Variants in CDH18 observed in about 807,000 individuals in gnomAD.
CDH18 encodes the protein cadherin 18, also known as cadherin-18.
Under a neutral mutation model 67.9 loss-of-function variants are expected in CDH18, and 31 were observed. The ratio of observed to expected loss-of-function variants is 0.46; its 90% CI spans 0.34 to 0.62. CDH18 has a LOEUF of 0.62. CDH18 is among the 20% of genes least tolerant of loss of function. The probability of loss-of-function intolerance (pLI) is 0.01; values close to 1 mark genes in which losing one functional copy is unlikely to be tolerated. For synonymous variants in CDH18, 362 were observed against 347.2 expected (o/e 1.04, Z -0.48); for missense variants, 890 against 975.5 (o/e 0.91, Z 1.17).
At chr5:20,080,586 T>C (rs4866166) in intron 2 of CDH18, among the ~76,000 whole-genome samples, 45,185 of 151,922 alleles carry the variant, frequency 0.3, 7,936 homozygotes, top group Non-Finnish European at 0.38. Flanking sequence ...AGAGCAGAAT[T>C]GCCTGAAATG....
At chr5:20,413,742 T>A (rs1747008025) in intron 1 of CDH18, among the ~76,000 whole-genome samples, 1 of 152,162 alleles carries the variant, frequency 6.6e-6, no homozygotes, top group Non-Finnish European at 1.5e-5. Context: ...AGTGCAAAAA[T>A]TTTCTCCCAT....
intron 2 of CDH18, among the ~76,000 whole-genome samples, chr5:20,198,901 CT>C (rs1384639219): frequency 6.6e-6 from 1 of 152,230 alleles, no homozygotes; most frequent in African/African-American, 2.4e-5. Flanking sequence ...AAGCCTCAAG[CT>C]TTGACAGCTT....
At chr5:20,226,735 T>C (rs1741661217) in intron 2 of CDH18, among the ~76,000 whole-genome samples, 1 of 152,118 alleles carries the variant, frequency 6.6e-6, no homozygotes. Flanking sequence ...AATAATTATT[T>C]ACTACCATAT....
intron 1 of CDH18, among the ~76,000 whole-genome samples, chr5:20,427,679 T>C (rs188571585): frequency 2.4e-4 from 37 of 151,296 alleles, no homozygotes; most frequent in Non-Finnish European, 1.5e-5. Context: ...GATTTCCTCC[T>C]TACTTCAGTA....
In CDH18 at chr5:20,026,519, C is replaced by T. The variant is rs930614145; in HGVS notation, c.-517-34505G>A. Reference sequence around the variant, plus strand: ...TGAAAGCATAGAAATCCTAATTTCCCGCCATATAGCAAAATATAAATGTCT... The same window carrying T: ...TGAAAGCATAGAAATCCTAATTTCCTGCCATATAGCAAAATATAAATGTCT... On this transcript the variant is annotated intron_variant, in intron 2 of 14. Coordinates refer to the CDH18 transcript ENST00000507958. 4.6e-5 allele frequency among the ~76,000 whole-genome samples: 7 copies of T among 151,974 alleles called. No individual in the cohort carries two copies. In the East Asian group the frequency reaches 5.8e-4, roughly 13 times the overall value.
chr5:19,686,920 ATGGCTGACTAAGACATC>A (rs1387462531), intron 5 of CDH18, among the ~76,000 whole-genome samples: 3 of 152,194 alleles, frequency 2.0e-5, no homozygotes, highest in Admixed American at 1.3e-4. Context: ...TAGTTTCAAA[ATGGCTGACTAAGACATC>A]TAGCACTAAC....
At chr5:20,419,211 G>A (rs772850788) in intron 1 of CDH18, among the ~76,000 whole-genome samples, 3 of 151,978 alleles carry the variant, frequency 2.0e-5, no homozygotes, top group African/African-American at 2.4e-5. Flanking sequence ...TCGGCCAGGA[G>A]AGAAGTGATT....
At chr5:19,779,195 C>G (rs1774791722) in intron 3 of CDH18, among the ~76,000 whole-genome samples, 1 of 152,046 alleles carries the variant, frequency 6.6e-6, no homozygotes, top group Non-Finnish European at 1.5e-5. Flanking sequence ...AAGTTAATAG[C>G]AGACAGAGAC....
Position 19,904,011 on chromosome 5 carries a change from C to A in CDH18, c.-256-64769G>T, listed in dbSNP as rs544802220. 1.8e-3 allele frequency among the ~76,000 whole-genome samples: 277 copies of A among 152,038 alleles called. 1 individual carries two copies. The highest frequency in any genetic ancestry group is 6.4e-3 in the African/African-American group (265 of 41,484). On this transcript the variant is annotated intron_variant, in intron 2 of 12. Coordinates refer to ENST00000382275, the MANE Select transcript of CDH18 (RefSeq NM_004934.5). ...ACATCAGGCCAGGCGCAGTGGCTCACGCTTGAAATCCCAGCACTTTGGGAG... is the reference window on the plus strand; with the variant it reads ...ACATCAGGCCAGGCGCAGTGGCTCAAGCTTGAAATCCCAGCACTTTGGGAG...
intron 11 of CDH18, among the ~76,000 whole-genome samples, chr5:19,490,985 T>C (rs1312128999): frequency 1.3e-5 from 2 of 152,178 alleles, no homozygotes; most frequent in Non-Finnish European, 2.9e-5. Flanking sequence ...ATAGAGCCAC[T>C]AAAATGGATC....
At chr5:20,101,606 T>A (rs1225610918) in intron 2 of CDH18, among the ~76,000 whole-genome samples, 6 of 152,154 alleles carry the variant, frequency 3.9e-5, no homozygotes, top group Non-Finnish European at 8.8e-5. Flanking sequence ...CCAGCAATAA[T>A]GACAATCGTA....
chr5:19,778,417 C>T (rs1288642648), intron 3 of CDH18, among the ~76,000 whole-genome samples: 1 of 152,116 alleles, frequency 6.6e-6, no homozygotes, highest in East Asian at 1.9e-4. Flanking sequence ...TACCTGAATT[C>T]ACAAATACTA....
At chr5:20,250,404 T>C (rs543234056) in intron 2 of CDH18, among the ~76,000 whole-genome samples, 92 of 152,056 alleles carry the variant, frequency 6.1e-4, no homozygotes, top group Middle Eastern at 3.4e-3. Flanking sequence ...TCGATTCTCC[T>C]GCCTCAGCCT....
chr5:20,358,875 G>T (rs984909717), intron 1 of CDH18, among the ~76,000 whole-genome samples: 11 of 149,782 alleles, frequency 7.3e-5, no homozygotes, highest in Admixed American at 3.3e-4. Flanking sequence ...TTCAAGAAAT[G>T]TTTGCATTTT....
intron 2 of CDH18, among the ~76,000 whole-genome samples, chr5:19,994,829 AATAT>A (rs1554078421): frequency 2.8e-3 from 58 of 20,982 alleles, no homozygotes; most frequent in Admixed American, 4.2e-3. Flanking sequence ...ATATAAAGAG[AATAT>A]ATATATATAT....
chr5:20,279,684 A>C (rs998457162), intron 1 of CDH18, among the ~76,000 whole-genome samples: 3 of 129,868 alleles, frequency 2.3e-5, no homozygotes, highest in Non-Finnish European at 4.8e-5. Context: ...GGGTGACAAA[A>C]GAGAAGCTCT....
intron 2 of CDH18, among the ~76,000 whole-genome samples, chr5:20,075,522 C>A (rs894727053): frequency 1.1e-4 from 16 of 151,870 alleles, no homozygotes; most frequent in Non-Finnish European, 1.8e-4. Flanking sequence ...AACAAACAAA[C>A]AAAAAAACCT....
chr5:20,044,993 T>C (rs542084067), intron 2 of CDH18, among the ~76,000 whole-genome samples: 51 of 152,296 alleles, frequency 3.3e-4, no homozygotes, highest in Non-Finnish European at 4.4e-4. Flanking sequence ...TCTCATTCAT[T>C]CTAACAAAAA....
chr5:19,944,808 A>T (rs997551516), intron 2 of CDH18, among the ~76,000 whole-genome samples: 1 of 152,146 alleles, frequency 6.6e-6, no homozygotes, highest in African/African-American at 2.4e-5. Context: ...CAGCCATAAA[A>T]GGATTCCAAA....
Sources: gnomAD v4.1 joint callset for allele counts (sites outside exome capture counted in the v4.1 genomes callset) on GRCh38, gnomAD v4.1.1 for gene constraint, MANE v1.5 for transcripts, NCBI Gene and HGNC (gene_info 2026-07-23, HGNC 2026-07-21) for gene names.